The following CLIC5 variants were observed in gnomAD, a reference collection of about 807,000 sequenced individuals.
The protein encoded by CLIC5 is CLIC family member 5.
CLIC5 carries 20 observed loss-of-function variants against 24.7 expected under a neutral mutation model. The ratio of observed to expected loss-of-function variants is 0.81; its 90% CI spans 0.57 to 1.18. The LOEUF is 1.18. Ranked by LOEUF, CLIC5 falls within the 50% of genes most tolerant of loss-of-function variation. The pLI is 0.00. For synonymous variants in CLIC5, 159 were observed against 135.6 expected (o/e 1.17, Z -1.20); for missense variants, 341 against 326.1 (o/e 1.05, Z -0.35).
chr6:46,079,531 G>A (rs1442442176), intron 1 of CLIC5, among the ~76,000 whole-genome samples: 1 of 152,150 alleles, frequency 6.6e-6, no homozygotes, highest in Non-Finnish European at 1.5e-5. Flanking sequence ...CTCTAATTTT[G>A]TGAAGAGCTG....
intron 1 of CLIC5, among the ~76,000 whole-genome samples, chr6:46,003,681 G>A (rs1459558236): frequency 6.6e-6 from 1 of 152,156 alleles, no homozygotes; most frequent in Non-Finnish European, 1.5e-5. Context: ...GGCCTGGTTA[G>A]GTTAAGGGCA....
At chr6:46,025,608 C>G (rs1247692405) in intron 1 of CLIC5, among the ~76,000 whole-genome samples, 1 of 152,068 alleles carries the variant, frequency 6.6e-6, no homozygotes, top group East Asian at 1.9e-4. Context: ...AAAGGCCCAG[C>G]CTGGAAATGA....
At chr6:46,090,775 GT>G in the CLIC5 span, among the ~76,000 whole-genome samples, 1 of 152,152 alleles carries the variant, frequency 6.6e-6, no homozygotes, top group African/African-American at 2.4e-5. Context: ...ATTAAATTAA[GT>G]TTAACCTAAA....
intron 1 of CLIC5, among the ~76,000 whole-genome samples, chr6:46,071,845 A>G (rs914867472): frequency 6.6e-6 from 1 of 152,214 alleles, no homozygotes; most frequent in Non-Finnish European, 1.5e-5. Flanking sequence ...CTGAATGCCT[A>G]TAAATGGTAG....
At chr6:45,926,503 C>G (rs1189174873) in intron 4 of CLIC5, among the ~76,000 whole-genome samples, 1 of 151,736 alleles carries the variant, frequency 6.6e-6, no homozygotes, top group African/African-American at 2.4e-5. Flanking sequence ...TGATCCGCCC[C>G]CCTCGGCTTC....
intron 1 of CLIC5, among the ~76,000 whole-genome samples, chr6:46,044,026 G>A (rs1189680847): frequency 1.3e-5 from 2 of 152,222 alleles, no homozygotes; most frequent in Non-Finnish European, 2.9e-5. Flanking sequence ...GCTTGTGGGA[G>A]AAAAGAAACA....
At chr6:46,032,904 A>G (rs1767547956) in intron 1 of CLIC5, among the ~76,000 whole-genome samples, 1 of 151,434 alleles carries the variant, frequency 6.6e-6, no homozygotes, top group Non-Finnish European at 1.5e-5. Flanking sequence ...AGAATCACTT[A>G]GGGAGCTTCT....
rs187365720 is a variant in CLIC5, at chr6:46,010,572, C to T, written c.63+4908G>A. ...CTAACTGACTGTCTAAATTGACAGA[C>T]GCTTTGTCTTGCATGGAGGGGGCCA... is the stretch of plus-strand genomic sequence containing the variant. On this transcript the variant is annotated intron_variant, in intron 1 of 5. Transcript: ENST00000339561. Among the ~76,000 whole-genome samples, 12 of 152,286 alleles carry T rather than the reference C, an allele frequency of 7.9e-5. No individual in the cohort carries two copies. In the East Asian group the frequency reaches 1.4e-3, roughly 17 times the overall value.
the CLIC5 span, among the ~76,000 whole-genome samples, chr6:46,097,746 ATAGTT>A: frequency 6.6e-6 from 1 of 152,266 alleles, no homozygotes; most frequent in African/African-American, 2.4e-5. Context: ...ATACATGGAC[ATAGTT>A]TACTAGACAT....
the CLIC5 span, among the ~76,000 whole-genome samples, chr6:46,121,693 T>C: frequency 2.0e-5 from 3 of 152,116 alleles, no homozygotes; most frequent in African/African-American, 7.2e-5. Context: ...ACCCATCTCT[T>C]GTGCAGAGAC....
chr6:46,066,852 G>T (rs191249308), intron 1 of CLIC5, among the ~76,000 whole-genome samples: 2 of 152,244 alleles, frequency 1.3e-5, no homozygotes, highest in East Asian at 3.9e-4. Flanking sequence ...ATGAAGGAGA[G>T]GAGAAGGTGT....
At chr6:45,916,343 C>T (rs931873230) in intron 4 of CLIC5, among the ~76,000 whole-genome samples, 2 of 152,154 alleles carry the variant, frequency 1.3e-5, no homozygotes, top group Non-Finnish European at 2.9e-5. Context: ...GATTGCAAGG[C>T]TATTCAAAGG....
At chr6:46,101,144 G>A in the CLIC5 span, among the ~76,000 whole-genome samples, 3 of 152,184 alleles carry the variant, frequency 2.0e-5, no homozygotes, top group Admixed American at 6.5e-5. Context: ...ATCCAGACAC[G>A]TGAATCTGCG....
upstream of CLIC5, among the ~76,000 whole-genome samples, chr6:46,016,342 T>C (rs182946032): frequency 6.6e-6 from 1 of 152,018 alleles, no homozygotes; most frequent in Non-Finnish European, 1.5e-5. Context: ...CCTGTCTTAG[T>C]GATGCTCAGA....
intron 1 of CLIC5, among the ~76,000 whole-genome samples, chr6:46,028,630 CCT>C (rs1038746415): frequency 6.6e-6 from 1 of 151,302 alleles, no homozygotes; most frequent in African/African-American, 2.4e-5. Context: ...ATTTTCTCTC[CCT>C]CTCTCTCTAT....
intron 1 of CLIC5, among the ~76,000 whole-genome samples, chr6:46,045,455 C>T (rs1215866409): frequency 6.6e-6 from 1 of 152,140 alleles, no homozygotes; most frequent in Non-Finnish European, 1.5e-5. Flanking sequence ...GTATATATGA[C>T]TTCATGAAAC....
Position 45,922,823 on chromosome 6 carries a change from A to AAGAGAGAGAGAGAGAGAGAG in CLIC5, c.407-8415_407-8414insCTCTCTCTCTCTCTCTCTCT, listed in dbSNP as rs547902327. Among the ~76,000 whole-genome samples the AAGAGAGAGAGAGAGAGAGAG allele has an allele frequency of 2.8e-3, 390 of 140,616 alleles. 13 individuals carry two copies. Among genetic ancestry groups the AAGAGAGAGAGAGAGAGAGAG allele is most frequent in the Middle Eastern group, 7.3e-3 (2 of 274 alleles). The allele number at this position is 140,616 out of a possible 152,430, so 92.2% of individuals were successfully genotyped here. A position where few individuals can be genotyped will look rare whatever the true frequency, so the allele number is the denominator to read the frequency against. On this transcript the variant is annotated intron_variant, in intron 4 of 5. Coordinates refer to ENST00000339561, the MANE Select transcript of CLIC5 (RefSeq NM_016929.5). Reference sequence around the variant, plus strand: ...GAAGGGAGGAAGAGAGAGAGAGAGAAAGAGAGAGAGATAGAGAGAGAGAGA... The same window carrying AAGAGAGAGAGAGAGAGAGAG: ...GAAGGGAGGAAGAGAGAGAGAGAGAAAGAGAGAGAGAGAGAGAGAGAGAGAGAGAGATAGAGAGAGAGAGA...
At chr6:46,009,785 C>T (rs1370121415) in intron 1 of CLIC5, among the ~76,000 whole-genome samples, 1 of 152,132 alleles carries the variant, frequency 6.6e-6, no homozygotes, top group Non-Finnish European at 1.5e-5. Context: ...TTTACCCTGG[C>T]CTGGCTACCA....
At chr6:46,087,740 T>TCCAAATACTGAGGAGCCCAGATAG in the CLIC5 span, among the ~76,000 whole-genome samples, 1 of 152,088 alleles carries the variant, frequency 6.6e-6, no homozygotes, top group Non-Finnish European at 1.5e-5. Flanking sequence ...ATACCTGATA[T>TCCAAATACTGAGGAGCCCAGATAG]CCAAATACTG....
Sources: gnomAD v4.1 joint callset for allele counts (sites outside exome capture counted in the v4.1 genomes callset) on GRCh38, gnomAD v4.1.1 for gene constraint, MANE v1.5 for transcripts, NCBI Gene and HGNC (gene_info 2026-07-23, HGNC 2026-07-21) for gene names.